Variants in CCSER1 observed in about 807,000 individuals in gnomAD.
The protein encoded by CCSER1 is serine-rich coiled-coil domain-containing protein 1.
CCSER1 carries 41 observed loss-of-function variants against 82.0 expected under a neutral mutation model. The ratio of observed to expected loss-of-function variants is 0.50; its 90% CI spans 0.39 to 0.65. CCSER1 has a LOEUF of 0.65. Ranked by LOEUF, CCSER1 falls within the 30% of genes least tolerant of loss-of-function variation. The pLI, the probability that CCSER1 is intolerant of heterozygous loss-of-function variation, is 0.00. For synonymous variants in CCSER1, 414 were observed against 383.9 expected, an observed-to-expected ratio of 1.08 and a Z score of -0.92; for missense variants, 1,119 against 1,064.2, an observed-to-expected ratio of 1.05 and a Z score of -0.72.
At chr4:90,200,469 A>G (rs551315450) in intron 1 of CCSER1, among the ~76,000 whole-genome samples, 46 of 152,074 alleles carry the variant, frequency 3.0e-4, no homozygotes, top group Non-Finnish European at 5.6e-4. Flanking sequence ...AAATTTCTAA[A>G]AAACTTTTTA....
chr4:90,325,504 C>T, intron 3 of CCSER1: 7 of 192,948 alleles, frequency 3.6e-5, no homozygotes, highest in Non-Finnish European at 5.7e-5. Flanking sequence ...TCTTAATTTT[C>T]CGTGAGAGGA....
intron 10 of CCSER1, among the ~76,000 whole-genome samples, chr4:91,116,753 A>G (rs1726652271): frequency 6.6e-6 from 1 of 152,202 alleles, no homozygotes; most frequent in Non-Finnish European, 1.5e-5. Flanking sequence ...TTGGTCTCCA[A>G]GTGATAAACA....
chr4:91,195,063 A>G (rs1735301930), intron 10 of CCSER1, among the ~76,000 whole-genome samples: 1 of 152,188 alleles, frequency 6.6e-6, no homozygotes, highest in South Asian at 2.1e-4. Flanking sequence ...ATAAATTGTT[A>G]GCTGTTGAAG....
intron 5 of CCSER1, among the ~76,000 whole-genome samples, chr4:90,479,017 G>A (rs187143478): frequency 6.6e-6 from 1 of 152,132 alleles, no homozygotes. Context: ...AGGATTACAG[G>A]TGTGAGCCCC....
intron 5 of CCSER1, among the ~76,000 whole-genome samples, chr4:90,562,852 T>TAAA (rs200689531): frequency 1.3e-4 from 18 of 137,302 alleles, no homozygotes; most frequent in African/African-American, 4.5e-4. Context: ...TTTTTTTTTT[T>TAAA]AAAAAAAAAA....
At chr4:91,005,781 T>C (rs1691132092) in intron 9 of CCSER1, among the ~76,000 whole-genome samples, 1 of 152,202 alleles carries the variant, frequency 6.6e-6, no homozygotes, top group Non-Finnish European at 1.5e-5. Flanking sequence ...GTTTCATTCT[T>C]ATGAATGTGG....
intron 10 of CCSER1, among the ~76,000 whole-genome samples, chr4:91,218,792 A>G (rs1322303394): frequency 6.6e-6 from 1 of 152,192 alleles, no homozygotes; most frequent in Non-Finnish European, 1.5e-5. Context: ...ATAAGTGACC[A>G]ACACTGGCCT....
chr4:90,574,718 AT>A (rs1780543395), intron 5 of CCSER1, among the ~76,000 whole-genome samples: 1 of 151,686 alleles, frequency 6.6e-6, no homozygotes, highest in Non-Finnish European at 1.5e-5. Flanking sequence ...CAAATTATAA[AT>A]AATAATAATA....
chr4:90,431,803 T>C (rs1227175213), intron 4 of CCSER1, among the ~76,000 whole-genome samples: 1 of 152,088 alleles, frequency 6.6e-6, no homozygotes, highest in Non-Finnish European at 1.5e-5. Flanking sequence ...AATAAATCGG[T>C]AGTGAATGTT....
intron 10 of CCSER1, among the ~76,000 whole-genome samples, chr4:91,089,037 G>A (rs1480407848): frequency 6.6e-6 from 1 of 152,118 alleles, no homozygotes; most frequent in African/African-American, 2.4e-5. Flanking sequence ...CACAGACACC[G>A]AGGTAGTGAA....
intron 10 of CCSER1, among the ~76,000 whole-genome samples, chr4:91,585,352 C>A (rs1311594719): frequency 2.6e-5 from 4 of 151,420 alleles, no homozygotes; most frequent in African/African-American, 7.3e-5. Flanking sequence ...TCAATCCCTT[C>A]CTTTTTTCAC....
At chr4:91,432,792 T>C (rs1754407279) in intron 10 of CCSER1, among the ~76,000 whole-genome samples, 1 of 152,170 alleles carries the variant, frequency 6.6e-6, no homozygotes. Context: ...AGAACTTCTA[T>C]ATTTCCCGTT....
intron 10 of CCSER1, among the ~76,000 whole-genome samples, chr4:91,435,670 T>C (rs1417575269): frequency 1.3e-5 from 2 of 152,192 alleles, no homozygotes; most frequent in African/African-American, 4.8e-5. Flanking sequence ...TATGAACTAC[T>C]GGGAAGTATT....
chr4:90,597,655 T>C (rs920386125), intron 5 of CCSER1, among the ~76,000 whole-genome samples: 3 of 152,130 alleles, frequency 2.0e-5, no homozygotes, highest in Non-Finnish European at 4.4e-5. Context: ...GGTATACTTA[T>C]GTTTTTGTAA....
chr4:90,595,916 A>T (rs1461604697), intron 5 of CCSER1, among the ~76,000 whole-genome samples: 1 of 151,956 alleles, frequency 6.6e-6, no homozygotes, highest in Non-Finnish European at 1.5e-5. Context: ...AAAGAGAGAA[A>T]AACCTCTTAT....
chr4:90,168,216 T>C (rs2153372851), intron 1 of CCSER1, among the ~76,000 whole-genome samples: 1 of 152,336 alleles, frequency 6.6e-6, no homozygotes, highest in South Asian at 2.1e-4. Context: ...TGCATTTCTC[T>C]GATGGCCAGT....
At chr4:90,430,310 C>G (rs1758095275) in intron 4 of CCSER1, among the ~76,000 whole-genome samples, 1 of 151,898 alleles carries the variant, frequency 6.6e-6, no homozygotes, top group South Asian at 2.1e-4. Flanking sequence ...TCCAACTACA[C>G]TAAAAAGTGA....
At chr4:90,222,656 G>T (rs1742362879) in intron 1 of CCSER1, among the ~76,000 whole-genome samples, 2 of 152,116 alleles carry the variant, frequency 1.3e-5, no homozygotes, top group South Asian at 4.2e-4. Flanking sequence ...ACCAACATTG[G>T]TTTTTTAAAT....
At chr4:90,759,940 A>G (rs1750172202) in intron 7 of CCSER1, among the ~76,000 whole-genome samples, 1 of 146,814 alleles carries the variant, frequency 6.8e-6, no homozygotes, top group African/African-American at 2.4e-5. Context: ...GTATAAAACT[A>G]CTTAATATGA....
Sources: gnomAD v4.1 joint callset for allele counts (sites outside exome capture counted in the v4.1 genomes callset) on GRCh38, gnomAD v4.1.1 for gene constraint, MANE v1.5 for transcripts, NCBI Gene and HGNC (gene_info 2026-07-23, HGNC 2026-07-21) for gene names.